Variants in AKAP6 observed in about 807,000 individuals in gnomAD.
AKAP6 encodes A-kinase anchoring protein 6.
A neutral mutation model predicts 188.5 loss-of-function variants in AKAP6; 58 were observed. The ratio of observed to expected loss-of-function variants is 0.31; its 90% confidence interval spans 0.25 to 0.38. AKAP6 has a LOEUF of 0.38. Ranked by LOEUF, AKAP6 falls within the 10% of genes least tolerant of loss-of-function variation. The pLI, the probability that AKAP6 is intolerant of heterozygous loss-of-function variation, is 1.00. For missense variants in AKAP6, 2,710 were observed against 2,740.0 expected (o/e 0.99, Z 0.24); for synonymous variants, 989 against 998.6 (o/e 0.99, Z 0.18).
chr14:32,745,753 G>T (rs1456859063), intron 11 of AKAP6, among the ~76,000 whole-genome samples: 3 of 152,142 alleles, frequency 2.0e-5, no homozygotes, highest in Non-Finnish European at 4.4e-5. Context: ...CTTCCCTTCA[G>T]GGCAGCAAGT....
intron 7 of AKAP6, among the ~76,000 whole-genome samples, chr14:32,654,624 T>C (rs754619349): frequency 1.3e-4 from 19 of 151,388 alleles, no homozygotes; most frequent in Non-Finnish European, 1.6e-4. Flanking sequence ...AGGCAGGGGA[T>C]TGCTTGAACT....
chr14:32,770,091 T>A (rs2032852782), intron 11 of AKAP6, among the ~76,000 whole-genome samples: 1 of 152,142 alleles, frequency 6.6e-6, no homozygotes, highest in Non-Finnish European at 1.5e-5. Context: ...ACAGAGGAAG[T>A]CAGTAGAGGA....
intron 1 of AKAP6, among the ~76,000 whole-genome samples, chr14:32,409,684 T>A (rs772561528): frequency 6.6e-6 from 1 of 152,228 alleles, no homozygotes; most frequent in Non-Finnish European, 1.5e-5. Context: ...TATGGCCTAA[T>A]AACAAAGATT....
chr14:32,377,879 T>G lies in AKAP6; in HGVS notation c.-35+48471T>G, dbSNP rs1957652. On this transcript the variant is annotated intron_variant, in intron 1 of 13. Coordinates refer to ENST00000280979, the MANE Select transcript of AKAP6 (RefSeq NM_004274.5). ...AGTATATTTTCTTGTTTTCACAGTC[T>G]CTTCAATGCCATGAAGAGTAAGTTA... Among the ~76,000 whole-genome samples the G allele has an allele frequency of 5.0e-3, 758 of 152,324 alleles. 5 individuals carry two copies. The highest frequency in any genetic ancestry group is 0.017 in the African/African-American group (704 of 41,558).
In AKAP6 at chr14:32,824,096, T is replaced by G; in HGVS notation, c.6283T>G (p.Leu2095Val). The G allele has an allele frequency of 6.2e-7, 1 of 1,613,916 alleles. No individual in the cohort carries two copies. The highest frequency in any genetic ancestry group is 1.3e-5 in the African/African-American group (1 of 75,004). Residue 2095 changes from leucine (L) to valine (V), a missense_variant, in exon 13 of 14, where the codon TTG becomes GTG. Physicochemically the swap from Leu to Val is conservative, Grantham distance 32 (BLOSUM62 1). Transcript: ENST00000280979. ...TSLTQIKEKV[L>V]EHSHRPIQLR... ...ATTAACTCAAATCAAGGAGAAAGTGTTGGAGCATTCTCACCGGCCCATCCA... is the reference window on the plus strand; with the variant it reads ...ATTAACTCAAATCAAGGAGAAAGTGGTGGAGCATTCTCACCGGCCCATCCA...
At chr14:32,483,046 C>T (rs1366914183) in intron 2 of AKAP6, among the ~76,000 whole-genome samples, 2 of 143,674 alleles carry the variant, frequency 1.4e-5, no homozygotes, top group African/African-American at 2.5e-5. Flanking sequence ...TAGATATAAC[C>T]AAATTGTTTT....
chr14:32,433,448 C>T lies in AKAP6; in HGVS notation c.-34-12C>T, dbSNP rs1566499613. On this transcript the variant is annotated splice_polypyrimidine_tract_variant and intron_variant, in intron 1 of 13. Coordinates refer to ENST00000280979, the MANE Select transcript of AKAP6 (RefSeq NM_004274.5). ...ACTGACTCTTGCTTTCTTCTTTCCTCTTGCCTTTCAGCTGTTTTGGAAAGA... is the reference window on the plus strand; with the variant it reads ...ACTGACTCTTGCTTTCTTCTTTCCTTTTGCCTTTCAGCTGTTTTGGAAAGA... 1.9e-6 allele frequency: 3 copies of T among 1,544,194 alleles called. No homozygotes were observed. The highest frequency in any genetic ancestry group is 8.9e-7 in the Non-Finnish European group (1 of 1,127,056).
At chr14:32,828,280 A>G (rs1384413801) in intron 13 of AKAP6, among the ~76,000 whole-genome samples, 1 of 152,108 alleles carries the variant, frequency 6.6e-6, no homozygotes, top group Non-Finnish European at 1.5e-5. Context: ...GGTGCTTAAT[A>G]TTTTCCAAAG....
intron 2 of AKAP6, among the ~76,000 whole-genome samples, chr14:32,454,091 T>C (rs1025042659): frequency 1.3e-5 from 2 of 152,168 alleles, no homozygotes; most frequent in African/African-American, 4.8e-5. Flanking sequence ...CCTCAAGTTA[T>C]GCAGGAGATT....
At chr14:32,388,824 T>A (rs1888615268) in intron 1 of AKAP6, among the ~76,000 whole-genome samples, 1 of 152,172 alleles carries the variant, frequency 6.6e-6, no homozygotes, top group Non-Finnish European at 1.5e-5. Context: ...GAATGTATAT[T>A]CTGCGGTTGT....
At chr14:32,371,004 G>A (rs1241480596) in intron 1 of AKAP6, among the ~76,000 whole-genome samples, 1 of 152,172 alleles carries the variant, frequency 6.6e-6, no homozygotes, top group African/African-American at 2.4e-5. Context: ...GATTTCTTTT[G>A]AGGGATGTTA....
At chr14:32,561,136 T>A (rs1883939576) in intron 4 of AKAP6, among the ~76,000 whole-genome samples, 1 of 152,190 alleles carries the variant, frequency 6.6e-6, no homozygotes, top group East Asian at 1.9e-4. Context: ...AGTCTTCTAG[T>A]CTTCAAAATG....
intron 9 of AKAP6, among the ~76,000 whole-genome samples, chr14:32,708,220 G>A (rs924708686): frequency 2.6e-5 from 4 of 152,080 alleles, no homozygotes; most frequent in Non-Finnish European, 4.4e-5. Flanking sequence ...TTGTACCATA[G>A]TTGGCAGGAG....
At chr14:32,626,975 C>A (rs950408348) in intron 7 of AKAP6, among the ~76,000 whole-genome samples, 2 of 152,102 alleles carry the variant, frequency 1.3e-5, no homozygotes, top group Admixed American at 6.6e-5. Flanking sequence ...AATTGGGAAT[C>A]ACTGAATTGT....
rs1420954630 is a variant in AKAP6, at chr14:32,831,139, T to A, written c.*1334T>A. On this transcript the variant is annotated 3_prime_UTR_variant, in exon 14 of 14. Coordinates refer to ENST00000280979, the MANE Select transcript of AKAP6 (RefSeq NM_004274.5). Reference sequence around the variant, plus strand: ...ATTTATTTTAAATATTTATTTTGAATGAGTTTGATAGAAAGCTAGTAGAAA... The same window carrying A: ...ATTTATTTTAAATATTTATTTTGAAAGAGTTTGATAGAAAGCTAGTAGAAA... 6.6e-6 allele frequency: 1 copy of A among 152,208 alleles called. No homozygotes were observed. Among genetic ancestry groups the A allele is most frequent in the African/African-American group, 2.4e-5 (1 of 41,464 alleles). 9.4% of individuals were successfully genotyped at this position (152,208 alleles called of 1,614,324 possible).
chr14:32,707,891 G>T (rs1890879428), intron 9 of AKAP6, among the ~76,000 whole-genome samples: 2 of 151,976 alleles, frequency 1.3e-5, no homozygotes, highest in Non-Finnish European at 2.9e-5. Flanking sequence ...GCTTGGCCAG[G>T]TTGATATCAG....
chr14:32,340,365 T>A lies in AKAP6; in HGVS notation c.-35+10957T>A, dbSNP rs558742852. ...AATACATTACTGTGTTCAAATAGCA[T>A]GTTATTCTAATCTATTTCAGAGAGC... On this transcript the variant is annotated intron_variant, in intron 1 of 13. Coordinates refer to ENST00000280979, the MANE Select transcript of AKAP6 (RefSeq NM_004274.5). Among the ~76,000 whole-genome samples, 123 of 152,336 alleles carry A rather than the reference T, an allele frequency of 8.1e-4. 1 individual carries two copies. In the South Asian group the frequency reaches 0.017, roughly 21 times the overall value.
In AKAP6 at chr14:32,545,857, A is replaced by G; in HGVS notation, c.1204A>G (p.Lys402Glu). ...RGLFLKEETF[K>E]NDLKGNGGKR... Reference sequence around the variant, plus strand: ...ACTTTTTCTTAAAGAGGAAACTTTTAAGAATGATCTGAAAGGCAATGGTGG... The same window carrying G: ...ACTTTTTCTTAAAGAGGAAACTTTTGAGAATGATCTGAAAGGCAATGGTGG... Residue 402 changes from lysine to glutamate, a missense_variant, in exon 4 of 14, where the codon AAG becomes GAG. By Grantham distance (56) the Lys-to-Glu change is moderately conservative. Transcript: ENST00000280979. 6.2e-7 allele frequency: 1 copy of G among 1,614,256 alleles called. No homozygotes were observed. The highest frequency in any genetic ancestry group is 8.5e-7 in the Non-Finnish European group (1 of 1,180,032).
At chr14:32,414,181 T>G (rs932647618) in intron 1 of AKAP6, among the ~76,000 whole-genome samples, 72 of 152,174 alleles carry the variant, frequency 4.7e-4, no homozygotes, top group African/African-American at 1.7e-3. Flanking sequence ...AAAGGCCTCT[T>G]GCTTTTGATT....
Sources: allele counts gnomAD v4.1 joint callset (sites outside exome capture counted in the v4.1 genomes callset), GRCh38; gene constraint gnomAD v4.1.1; transcripts MANE v1.5; gene names NCBI Gene and HGNC (gene_info 2026-07-23, HGNC 2026-07-21).